The following SIL1 variants were observed in gnomAD, a reference collection of about 807,000 sequenced individuals.
The protein encoded by SIL1 is SIL1 nucleotide exchange factor.
SIL1 carries 40 observed loss-of-function variants against 49.1 expected under a neutral mutation model. That is an observed-to-expected ratio of 0.81 (90% confidence interval 0.63 to 1.06). SIL1 has a LOEUF of 1.06. Ranked by LOEUF, SIL1 falls within the 50% of genes least tolerant of loss-of-function variation. SIL1 has a pLI of 0.00. For synonymous variants in SIL1, 253 were observed against 250.8 expected, an observed-to-expected ratio of 1.01 and a Z score of -0.08; for missense variants, 500 against 572.6, an observed-to-expected ratio of 0.87 and a Z score of 1.29.
chr5:138,986,204 C>A (rs1034736713), intron 7 of SIL1, among the ~76,000 whole-genome samples: 3 of 152,214 alleles, frequency 2.0e-5, no homozygotes, highest in African/African-American at 7.2e-5. Context: ...AATTAAAATT[C>A]TCTCTGGAAG....
At chr5:139,190,646 C>T (rs567396295) in intron 1 of SIL1, among the ~76,000 whole-genome samples, 1 of 152,166 alleles carries the variant, frequency 6.6e-6, no homozygotes, top group Non-Finnish European at 1.5e-5. Flanking sequence ...CACTTCACTT[C>T]TCTGGGGCTC....
chr5:139,019,908 T>A (rs982663913), intron 7 of SIL1, among the ~76,000 whole-genome samples: 4 of 143,524 alleles, frequency 2.8e-5, no homozygotes. Flanking sequence ...TGAGCTTTAG[T>A]AAGTTCTCAA....
chr5:139,183,359 T>A (rs981825548), intron 1 of SIL1, among the ~76,000 whole-genome samples: 1 of 152,212 alleles, frequency 6.6e-6, no homozygotes, highest in Non-Finnish European at 1.5e-5. Flanking sequence ...TTCTGCATGG[T>A]CCTTAGAAGC....
intron 7 of SIL1, among the ~76,000 whole-genome samples, chr5:139,001,181 A>G (rs1767977278): frequency 6.6e-6 from 1 of 152,176 alleles, no homozygotes; most frequent in African/African-American, 2.4e-5. Flanking sequence ...CAAAAAATAG[A>G]AACTCTAATA....
At chr5:139,153,450 C>G (rs1292766643) in intron 1 of SIL1, among the ~76,000 whole-genome samples, 3 of 152,210 alleles carry the variant, frequency 2.0e-5, no homozygotes, top group Non-Finnish European at 2.9e-5. Context: ...GCCTAACTAG[C>G]TCAAGACTTG....
chr5:139,028,712 AACTAG>A (rs1484975559), intron 5 of SIL1, among the ~76,000 whole-genome samples: 2 of 152,222 alleles, frequency 1.3e-5, no homozygotes, highest in Admixed American at 6.5e-5. Flanking sequence ...CCATACTGTT[AACTAG>A]ACTAAACACC....
intron 3 of SIL1, among the ~76,000 whole-genome samples, chr5:139,069,191 G>A (rs1488740372): frequency 1.3e-5 from 2 of 152,120 alleles, no homozygotes; most frequent in African/African-American, 2.4e-5. Flanking sequence ...GGGAGGCTGA[G>A]GTGGGAGGAT....
At chr5:139,169,493 T>G (rs1301342236) in intron 1 of SIL1, among the ~76,000 whole-genome samples, 1 of 128,226 alleles carries the variant, frequency 7.8e-6, no homozygotes, top group Non-Finnish European at 1.7e-5. Flanking sequence ...TTTTTTTTTT[T>G]TGAGACAGAG....
intron 3 of SIL1, among the ~76,000 whole-genome samples, chr5:139,102,003 T>C (rs568869974): frequency 1.3e-5 from 2 of 152,342 alleles, no homozygotes; most frequent in Admixed American, 6.5e-5. Flanking sequence ...GCTGAAATGC[T>C]GGGTGAAAAG....
intron 3 of SIL1, among the ~76,000 whole-genome samples, chr5:139,082,277 C>T (rs867274196): frequency 1.7e-4 from 26 of 152,314 alleles, no homozygotes; most frequent in African/African-American, 5.5e-4. Flanking sequence ...GAGTCTCTAA[C>T]CAGGTTTGTA....
At chr5:138,996,930 C>T (rs564335403) in intron 7 of SIL1, among the ~76,000 whole-genome samples, 1 of 152,280 alleles carries the variant, frequency 6.6e-6, no homozygotes, top group Admixed American at 6.5e-5. Context: ...GTCCTGGAGC[C>T]TTTCTCCAAT....
At chr5:139,034,220 T>G (rs575166419) in intron 5 of SIL1, among the ~76,000 whole-genome samples, 7 of 152,252 alleles carry the variant, frequency 4.6e-5, no homozygotes, top group African/African-American at 1.4e-4. Context: ...TTGAATTTCT[T>G]GTAGAAAGCA....
intron 1 of SIL1, among the ~76,000 whole-genome samples, chr5:139,173,675 G>A (rs1473697756): frequency 3.3e-5 from 5 of 151,032 alleles, no homozygotes; most frequent in Admixed American, 6.6e-5. Flanking sequence ...AGCCAGGCAC[G>A]GTGGCTCATG....
chr5:138,988,585 A>T (rs1385834953), intron 7 of SIL1, among the ~76,000 whole-genome samples: 1 of 152,224 alleles, frequency 6.6e-6, no homozygotes, highest in African/African-American at 2.4e-5. Flanking sequence ...TTTCCACCTG[A>T]GTCATTCTAC....
At chr5:139,055,348 A>T (rs916682208) in intron 3 of SIL1, among the ~76,000 whole-genome samples, 17 of 152,014 alleles carry the variant, frequency 1.1e-4, no homozygotes, top group Admixed American at 3.9e-4. Flanking sequence ...GTTGGGGGAT[A>T]ATCTATGGTA....
chr5:138,983,494 C>G (rs774740168), intron 7 of SIL1, among the ~76,000 whole-genome samples: 1 of 149,144 alleles, frequency 6.7e-6, no homozygotes, highest in Admixed American at 6.7e-5. Flanking sequence ...GGCGACAGAG[C>G]GAGATTTTGT....
intron 1 of SIL1, among the ~76,000 whole-genome samples, chr5:139,179,924 G>T (rs1257513521): frequency 6.6e-6 from 1 of 151,938 alleles, no homozygotes; most frequent in African/African-American, 2.4e-5. Flanking sequence ...AGGTGTGGTG[G>T]CACATGACTG....
At chr5:139,025,292 G>T (rs1311950917) in intron 6 of SIL1, among the ~76,000 whole-genome samples, 2 of 152,154 alleles carry the variant, frequency 1.3e-5, no homozygotes, top group Non-Finnish European at 2.9e-5. Flanking sequence ...AAGTTTTAGA[G>T]CACAGAGTTT....
At chr5:139,175,276 G>A (rs1053232712) in intron 1 of SIL1, among the ~76,000 whole-genome samples, 16 of 151,458 alleles carry the variant, frequency 1.1e-4, no homozygotes, top group Admixed American at 5.3e-4. Flanking sequence ...GAGCAAGATC[G>A]CACCACTGCA....
Sources: gnomAD v4.1 joint callset for allele counts (sites outside exome capture counted in the v4.1 genomes callset) on GRCh38, gnomAD v4.1.1 for gene constraint, MANE v1.5 for transcripts, NCBI Gene and HGNC (gene_info 2026-07-23, HGNC 2026-07-21) for gene names.